Variants in RIMBP2 observed in about 807,000 individuals in gnomAD.
The protein encoded by RIMBP2 is RIMS-binding protein 2.
Under a neutral mutation model 118.6 loss-of-function variants are expected in RIMBP2, and 48 were observed. The observed-to-expected ratio is 0.40, with a 90% CI of 0.32 to 0.51. The LOEUF is 0.51. Among genes scored for constraint, RIMBP2 ranks in the 20% least tolerant of loss-of-function variants. The pLI is 0.41. For synonymous variants in RIMBP2, 762 were observed against 742.9 expected, an observed-to-expected ratio of 1.03 and a Z score of -0.42; for missense variants, 1,551 against 1,768.3, an observed-to-expected ratio of 0.88 and a Z score of 2.20.
At chr12:130,635,617 G>T (rs1171436926) in intron 1 of RIMBP2, among the ~76,000 whole-genome samples, 1 of 152,136 alleles carries the variant, frequency 6.6e-6, no homozygotes, top group East Asian at 1.9e-4. Flanking sequence ...AGGGGATACT[G>T]CTGGCATTGA....
chr12:130,507,037 G>A (rs531012134), intron 3 of RIMBP2, among the ~76,000 whole-genome samples: 4 of 152,298 alleles, frequency 2.6e-5, no homozygotes, highest in East Asian at 3.9e-4. Context: ...TGTGTCACAG[G>A]TCTGGCCAAT....
At chr12:130,596,731 T>G (rs2059584614) in intron 2 of RIMBP2, among the ~76,000 whole-genome samples, 1 of 152,224 alleles carries the variant, frequency 6.6e-6, no homozygotes, top group South Asian at 2.1e-4. Context: ...ACAGCCCCAC[T>G]GATATTCCTG....
chr12:130,489,535 T>A (rs952669708), intron 4 of RIMBP2, among the ~76,000 whole-genome samples: 2 of 152,158 alleles, frequency 1.3e-5, no homozygotes, highest in East Asian at 3.9e-4. Context: ...TCTCTGCCTC[T>A]CGAGCTGTCT....
chr12:130,455,184 G>A (rs781319598), intron 7 of RIMBP2, among the ~76,000 whole-genome samples: 4 of 152,252 alleles, frequency 2.6e-5, no homozygotes, highest in Non-Finnish European at 4.4e-5. Flanking sequence ...ATGGAGACAC[G>A]TGCATTCTGT....
intron 4 of RIMBP2, among the ~76,000 whole-genome samples, chr12:130,498,362 T>G (rs986992601): frequency 2.6e-5 from 4 of 152,228 alleles, no homozygotes; most frequent in Non-Finnish European, 4.4e-5. Flanking sequence ...CAATCAGTAT[T>G]TATCGAGTGT....
intron 4 of RIMBP2, among the ~76,000 whole-genome samples, chr12:130,481,464 A>T (rs1345671128): frequency 6.6e-6 from 1 of 151,974 alleles, no homozygotes; most frequent in Non-Finnish European, 1.5e-5. Context: ...GTTCATCTAC[A>T]TTTTTAAGCT....
chr12:130,434,628 G>T lies in RIMBP2; in HGVS notation c.2253+106C>A. On this transcript the variant is annotated intron_variant, in intron 14 of 22. Transcript: ENST00000690449. The surrounding 1 kb of genome is among the most constrained non-coding windows in gnomAD (Gnocchi z 5.7). ...AGCTGGGCGTCTCCATCTCTCTCAG[G>T]GACCCAAGGGTAGCGGGGAAAGTGC... 7.9e-7 allele frequency: 1 copy of T among 1,269,116 alleles called. No individual in the cohort carries two copies. The allele number at this position is 1,269,116 out of a possible 1,614,324, so 78.6% of individuals were successfully genotyped here.
chr12:130,440,377 T>C (rs2078020397), intron 11 of RIMBP2, among the ~76,000 whole-genome samples: 1 of 152,162 alleles, frequency 6.6e-6, no homozygotes, highest in Admixed American at 6.5e-5. Flanking sequence ...CAACTACACC[T>C]TCTTCCTCCA....
In RIMBP2 at chr12:130,525,862, T is replaced by C. The variant is rs1357012326; in HGVS notation, c.-216-7945A>G. Among the ~76,000 whole-genome samples the C allele has an allele frequency of 6.6e-6, 1 of 152,134 alleles. No individual in the cohort carries two copies. Among genetic ancestry groups the C allele is most frequent in the Non-Finnish European group, 1.5e-5 (1 of 68,016 alleles). On this transcript the variant is annotated intron_variant, in intron 2 of 22. Coordinates refer to ENST00000690449, the MANE Select transcript of RIMBP2 (RefSeq NM_001393629.1). This position sits in a 1 kb window ranked among gnomAD's most constrained non-coding sequence, Gnocchi z 4.4. ...TGCCATGTGGCAGACATTCTTGCTA[T>C]CCTGCTTGTCAAGGGAAGAAATTCA...
intron 5 of RIMBP2, among the ~76,000 whole-genome samples, chr12:130,473,607 C>G (rs953629357): frequency 1.3e-5 from 2 of 152,138 alleles, no homozygotes; most frequent in African/African-American, 4.8e-5. Context: ...CCTCCGTGGG[C>G]GTTATGAAAC....
chr12:130,599,661 G>A (rs143419558), intron 2 of RIMBP2, among the ~76,000 whole-genome samples: 100 of 152,270 alleles, frequency 6.6e-4, no homozygotes, highest in Non-Finnish European at 1.1e-3. Context: ...ACTGCTAATC[G>A]GAGTATATAA....
At chr12:130,541,514 G>A (rs2054599627) in intron 2 of RIMBP2, among the ~76,000 whole-genome samples, 3 of 152,202 alleles carry the variant, frequency 2.0e-5, no homozygotes, top group Admixed American at 2.0e-4. Context: ...AAACACAGCT[G>A]TACTCACTGG....
At chr12:130,557,660 G>A (rs1054037739) in intron 2 of RIMBP2, among the ~76,000 whole-genome samples, 1 of 152,200 alleles carries the variant, frequency 6.6e-6, no homozygotes, top group African/African-American at 2.4e-5. Context: ...TGAAGCCACC[G>A]AGTTGCTGTA....
At chr12:130,627,586 C>T (rs1010002877) in intron 2 of RIMBP2, among the ~76,000 whole-genome samples, 2 of 152,174 alleles carry the variant, frequency 1.3e-5, no homozygotes. Context: ...GGCTTCGGCG[C>T]AAACCTGAAT....
intron 1 of RIMBP2, among the ~76,000 whole-genome samples, chr12:130,636,197 G>C (rs1315566213): frequency 6.6e-6 from 1 of 152,118 alleles, no homozygotes; most frequent in Non-Finnish European, 1.5e-5. Flanking sequence ...GACATGGCTG[G>C]CTCTATTGTC....
chr12:130,527,868 A>G (rs566744300), intron 2 of RIMBP2, among the ~76,000 whole-genome samples: 1 of 152,268 alleles, frequency 6.6e-6, no homozygotes, highest in Admixed American at 6.5e-5. Flanking sequence ...CATTACAGAA[A>G]TGCAAATTAA....
intron 4 of RIMBP2, among the ~76,000 whole-genome samples, chr12:130,498,760 C>A (rs998618915): frequency 2.0e-5 from 3 of 152,082 alleles, no homozygotes; most frequent in Non-Finnish European, 4.4e-5. Context: ...AACATGCAGG[C>A]AAAGAGCCAG....
At chr12:130,528,788 C>T (rs540000653) in intron 2 of RIMBP2, among the ~76,000 whole-genome samples, 1 of 152,140 alleles carries the variant, frequency 6.6e-6, no homozygotes, top group Non-Finnish European at 1.5e-5. Flanking sequence ...TGGGGTTGAA[C>T]TTAGGAGAGA....
intron 1 of RIMBP2, among the ~76,000 whole-genome samples, chr12:130,659,802 A>T (rs150677210): frequency 4.6e-5 from 7 of 151,660 alleles, no homozygotes; most frequent in Non-Finnish European, 1.0e-4. Context: ...GTGAAACCTC[A>T]TCTCTACTAA....
Sources: allele counts gnomAD v4.1 joint callset (sites outside exome capture counted in the v4.1 genomes callset), GRCh38; gene constraint gnomAD v4.1.1; non-coding constraint Gnocchi (gnomAD v3.1); transcripts MANE v1.5; gene names NCBI Gene and HGNC (gene_info 2026-07-23, HGNC 2026-07-21).